The following MYO16 variants were observed in gnomAD, a reference collection of about 807,000 sequenced individuals.
MYO16 encodes unconventional myosin-XVI.
A neutral mutation model predicts 205.3 loss-of-function variants in MYO16; 94 were observed. That is an observed-to-expected ratio of 0.46 (90% confidence interval 0.39 to 0.54). The LOEUF (loss-of-function observed/expected upper bound fraction) is 0.54. Among genes scored for constraint, MYO16 ranks in the 20% least tolerant of loss-of-function variants. The pLI is 0.00. For synonymous variants in MYO16, 988 were observed against 954.0 expected (o/e 1.04, Z -0.66); for missense variants, 2,315 against 2,387.5 (o/e 0.97, Z 0.63).
chr13:108,628,917 T>C (rs1162682051), upstream of MYO16, among the ~76,000 whole-genome samples: 1 of 152,224 alleles, frequency 6.6e-6, no homozygotes, highest in Non-Finnish European at 1.5e-5. Flanking sequence ...TTTGAATTTG[T>C]AAACAACTTA....
chr13:108,786,057 G>A (rs183126952), intron 5 of MYO16, among the ~76,000 whole-genome samples: 22 of 152,336 alleles, frequency 1.4e-4, no homozygotes, highest in African/African-American at 5.3e-4. Context: ...GGGAGGGGAA[G>A]GGAAGTCAAC....
At chr13:109,195,301 A>G (rs1160425069) in intron 34 of MYO16, among the ~76,000 whole-genome samples, 1 of 152,148 alleles carries the variant, frequency 6.6e-6, no homozygotes, top group Admixed American at 6.5e-5. Context: ...AAGAAACAAA[A>G]TCCCAAGAAT....
At position 109,154,649 on chromosome 13, in the gene MYO16, C is replaced by T. The variant is rs965989296; in HGVS notation, c.5165-10252C>T. ...AACACTCCCAACAGAAGAGCAGGGA[C>T]GTTATCTTCTCACCTTTGCCTTCTG... On this transcript the variant is annotated intron_variant, in intron 32 of 34. Transcript: ENST00000457511. 5.3e-5 allele frequency among the ~76,000 whole-genome samples: 8 copies of T among 152,120 alleles called. 1 individual carries two copies. Among genetic ancestry groups the T allele is most frequent in the Admixed American group, 1.3e-4 (2 of 15,276 alleles).
chr13:109,112,557 A>G (rs139699798), intron 28 of MYO16, among the ~76,000 whole-genome samples: 11 of 152,252 alleles, frequency 7.2e-5, no homozygotes, highest in Middle Eastern at 3.4e-3. Flanking sequence ...GGAGTTCGAG[A>G]CCAGCCTGAC....
At chr13:108,759,052 T>A (rs1885512427) in intron 4 of MYO16, among the ~76,000 whole-genome samples, 1 of 152,196 alleles carries the variant, frequency 6.6e-6, no homozygotes, top group South Asian at 2.1e-4. Context: ...AAATCTGAAC[T>A]TTTCAGTAAT....
intron 27 of MYO16, among the ~76,000 whole-genome samples, chr13:109,077,292 T>C (rs935219732): frequency 4.6e-5 from 7 of 152,150 alleles, no homozygotes; most frequent in African/African-American, 1.4e-4. Context: ...AATGCTGTGA[T>C]TACAGGTGTG....
chr13:108,928,139 G>A (rs1882092424), intron 16 of MYO16, among the ~76,000 whole-genome samples: 1 of 152,286 alleles, frequency 6.6e-6, no homozygotes, highest in Non-Finnish European at 1.5e-5. Flanking sequence ...AAGGAGAGAG[G>A]GATGGGAGCA....
At position 108,964,653 on chromosome 13, in the gene MYO16, ACTTGT is replaced by A. The variant is rs2139373674; in HGVS notation, c.2228-102_2228-98del. 4.3e-6 allele frequency: 5 copies of A among 1,162,838 alleles called. No individual in the cohort carries two copies. The South Asian group carries it at 4.6e-5, about 11-fold the overall frequency. 72.0% of individuals were successfully genotyped at this position (1,162,838 alleles called of 1,614,324 possible). A position where few individuals can be genotyped will look rare whatever the true frequency, so the allele number is the denominator to read the frequency against. ...AGAATCCGTATAATTTTTATACATC[ACTTGT>A]CTTGTGGATGTGTGGGGAATTAATA... On this transcript the variant is annotated intron_variant, in intron 19 of 34. Coordinates refer to ENST00000457511, the MANE Select transcript of MYO16 (RefSeq NM_001198950.3).
At chr13:108,807,675 T>C (rs1198322742) in intron 7 of MYO16, among the ~76,000 whole-genome samples, 1 of 152,330 alleles carries the variant, frequency 6.6e-6, no homozygotes, top group African/African-American at 2.4e-5. Context: ...ATCATGATGC[T>C]TTTAAATTTC....
At chr13:108,761,153 A>T (rs4578514) in intron 4 of MYO16, among the ~76,000 whole-genome samples, 17 of 152,092 alleles carry the variant, frequency 1.1e-4, no homozygotes, top group African/African-American at 3.9e-4. Context: ...CAGGGCTCCA[A>T]GCCAAGTGCA....
intron 1 of MYO16, among the ~76,000 whole-genome samples, chr13:108,652,148 TGTGTGTGCGCGCGCGCGCATGTGTGCGC>T (rs1248456548): frequency 8.4e-4 from 125 of 148,326 alleles, no homozygotes; most frequent in African/African-American, 2.7e-3. Flanking sequence ...CCAATGTGTG[TGTGTGTGCGCGCGCGCGCATGTGTGCGC>T]GTGTGTGTGT....
At chr13:108,581,866 C>A in the MYO16 span, among the ~76,000 whole-genome samples, 1 of 133,322 alleles carries the variant, frequency 7.5e-6, no homozygotes, top group Non-Finnish European at 1.6e-5. Flanking sequence ...GCAACAGAAG[C>A]GAAACGCTGT....
At chr13:109,064,116 G>A (rs1173069141) in intron 27 of MYO16, among the ~76,000 whole-genome samples, 1 of 152,160 alleles carries the variant, frequency 6.6e-6, no homozygotes, top group Non-Finnish European at 1.5e-5. Context: ...CTGCTTTCAT[G>A]TGGCCTGAGA....
At chr13:108,888,330 A>G in intron 13 of MYO16, 42 bp from the exon 14 acceptor site, 2 of 1,405,174 alleles carry the variant, frequency 1.4e-6, no homozygotes, top group South Asian at 1.3e-5. Flanking sequence ...CTTTGAAGCA[A>G]AGTTCCTTCA....
At position 108,717,024 on chromosome 13, in the gene MYO16, C is replaced by T. The variant is rs546653340; in HGVS notation, c.363+4293C>T. Among the ~76,000 whole-genome samples, 263 of 151,874 alleles carry T rather than the reference C, an allele frequency of 1.7e-3. 1 individual carries two copies. Among genetic ancestry groups the T allele is most frequent in the African/African-American group, 6.0e-3 (247 of 41,406 alleles). ...AAAGTAACAATGTCTGTATCCCAGG[C>T]AGTTGGTCTCATGAGGCCAGTATAG... On this transcript the variant is annotated intron_variant, in intron 3 of 34. Transcript: ENST00000457511.
chr13:109,163,454 C>CCCTTCCTT (rs139385635), intron 32 of MYO16, among the ~76,000 whole-genome samples: 8 of 137,990 alleles, frequency 5.8e-5, no homozygotes, highest in Admixed American at 4.5e-4. Context: ...ATGGAACCTT[C>CCCTTCCTT]CCTTCCTTCC....
Position 109,055,715 on chromosome 13 carries a change from C to A in MYO16, c.3335+120C>A. 1 of 831,914 alleles carries A rather than the reference C, an allele frequency of 1.2e-6. No individual in the cohort carries two copies. The highest frequency in any genetic ancestry group is 1.9e-6 in the Non-Finnish European group (1 of 525,894). The allele number at this position is 831,914 out of a possible 1,614,324, so 51.5% of individuals were successfully genotyped here. On this transcript the variant is annotated intron_variant, in intron 27 of 34. Coordinates refer to ENST00000457511, the MANE Select transcript of MYO16 (RefSeq NM_001198950.3). The surrounding 1 kb of genome is among the most constrained non-coding windows in gnomAD (Gnocchi z 5.0). The stretch of plus-strand genomic sequence containing the variant: ...TTTTTGGCACTGCTTTTGTTGTTTA[C>A]TTTTTTCTATCTCCAATAAACAAAA...
upstream of MYO16, among the ~76,000 whole-genome samples, chr13:108,627,832 A>G (rs1594155340): frequency 6.6e-6 from 1 of 152,172 alleles, no homozygotes; most frequent in Admixed American, 6.5e-5. Context: ...CTGAGTTTGT[A>G]TACATGCAGA....
In MYO16 at chr13:108,918,959, A is replaced by C. The variant is rs76041403; in HGVS notation, c.1925+8809A>C. Among the ~76,000 whole-genome samples the C allele has an allele frequency of 1.5e-3, 175 of 114,932 alleles. 2 individuals are homozygous for C. Among genetic ancestry groups the C allele is most frequent in the African/African-American group, 4.9e-3 (143 of 29,102 alleles). The allele number at this position is 114,932 out of a possible 152,430, so 75.4% of individuals were successfully genotyped here. On this transcript the variant is annotated intron_variant, in intron 16 of 34. Transcript: ENST00000457511. ...CTCTGTCTCAGAAAACAGAACAAAA[A>C]AAAAAAAAAAAACTTACACTCAAAC... is the stretch of plus-strand genomic sequence containing the variant.
Sources: gnomAD v4.1 joint callset for allele counts (sites outside exome capture counted in the v4.1 genomes callset) on GRCh38, gnomAD v4.1.1 for gene constraint, Gnocchi (gnomAD v3.1) non-coding constraint, MANE v1.5 for transcripts, NCBI Gene and HGNC (gene_info 2026-07-23, HGNC 2026-07-21) for gene names.